The following TCF4 variants were observed in gnomAD, a reference collection of about 807,000 sequenced individuals.
The protein encoded by TCF4 is SL3-3 enhancer factor 2.
TCF4 carries 3 observed loss-of-function variants against 82.1 expected under a neutral mutation model. The observed-to-expected ratio is 0.04, with a 90% CI of 0.02 to 0.09. TCF4 has a LOEUF of 0.09. Ranked by LOEUF, TCF4 falls within the 10% of genes least tolerant of loss-of-function variation. TCF4 has a pLI of 1.00. For missense variants in TCF4, 518 were observed against 852.7 expected (o/e 0.61, Z 4.89); for synonymous variants, 276 against 309.6 (o/e 0.89, Z 1.14).
At chr18:55,275,472 T>G in intron 10 of TCF4, 147 bp downstream of exon 10, 1 of 1,031,532 alleles carries the variant, frequency 9.7e-7, no homozygotes, top group Non-Finnish European at 1.5e-6. Context: ...ATGTCTTTGA[T>G]CACAGAAACA....
intron 3 of TCF4, among the ~76,000 whole-genome samples, chr18:55,508,615 T>C (rs951471384): frequency 6.6e-6 from 1 of 152,192 alleles, no homozygotes; most frequent in African/African-American, 2.4e-5. Context: ...ATTAAATAAC[T>C]GTGTTGCCCC....
At chr18:55,600,247 G>T (rs538374410) in intron 2 of TCF4, among the ~76,000 whole-genome samples, 30 of 152,226 alleles carry the variant, frequency 2.0e-4, no homozygotes, top group Admixed American at 3.9e-4. Flanking sequence ...TACATGCCTA[G>T]AATTGCTAGG....
At chr18:55,321,667 T>G (rs113302718) in intron 8 of TCF4, 1 of 1,536,046 alleles carries the variant, frequency 6.5e-7, no homozygotes, top group Non-Finnish European at 8.7e-7. Context: ...CGCATTCGCT[T>G]ACCGCTTTCC....
chr18:55,278,735 A>C (rs1252412001), intron 9 of TCF4, among the ~76,000 whole-genome samples: 1 of 151,926 alleles, frequency 6.6e-6, no homozygotes, highest in Non-Finnish European at 1.5e-5. Context: ...CGCCTGGCTA[A>C]TTTTTTGTAT....
At chr18:55,327,147 A>C (rs2076702309) in intron 8 of TCF4, among the ~76,000 whole-genome samples, 1 of 152,160 alleles carries the variant, frequency 6.6e-6, no homozygotes, top group Non-Finnish European at 1.5e-5. Context: ...TTTCTTATTA[A>C]GCAATTAAGA....
In TCF4 at chr18:55,227,301, T is replaced by A. The variant is rs1317456521; in HGVS notation, c.*734A>T. The A allele has an allele frequency of 1.3e-5, 2 of 150,862 alleles. No individual in the cohort carries two copies. Among genetic ancestry groups the A allele is most frequent in the Non-Finnish European group, 3.0e-5 (2 of 67,726 alleles). 9.3% of individuals were successfully genotyped at this position (150,862 alleles called of 1,614,324 possible). A position where few individuals can be genotyped will look rare whatever the true frequency, so the allele number is the denominator to read the frequency against. On this transcript the variant is annotated 3_prime_UTR_variant, in exon 20 of 20. Transcript: ENST00000354452. ...AAAATCTTTCTTTTAAAAAAGTTAA[T>A]CAGTACTATTTTTTTACAGGAGAAA...
chr18:55,241,243 G>C (rs548812136), intron 15 of TCF4, among the ~76,000 whole-genome samples: 1 of 152,248 alleles, frequency 6.6e-6, no homozygotes, highest in South Asian at 2.1e-4. Context: ...TATTAAAACT[G>C]TTTCATTTCT....
intron 6 of TCF4, among the ~76,000 whole-genome samples, chr18:55,387,542 C>T (rs1463643065): frequency 6.6e-6 from 1 of 152,236 alleles, no homozygotes; most frequent in Non-Finnish European, 1.5e-5. Flanking sequence ...CTCCTGGTCA[C>T]TGAGGGTAAA....
intron 5 of TCF4, among the ~76,000 whole-genome samples, chr18:55,454,157 C>T (rs2144513890): frequency 6.6e-6 from 1 of 152,228 alleles, no homozygotes; most frequent in South Asian, 2.1e-4. Flanking sequence ...GGCACTATGC[C>T]CGACCCAAAA....
chr18:55,449,267 G>A (rs2095580323), intron 5 of TCF4, among the ~76,000 whole-genome samples: 3 of 152,176 alleles, frequency 2.0e-5, no homozygotes, highest in Non-Finnish European at 4.4e-5. Context: ...GAGGCGGTCT[G>A]CCAAGATATT....
intron 3 of TCF4, among the ~76,000 whole-genome samples, chr18:55,521,271 C>T (rs182442225): frequency 1.1e-4 from 17 of 152,200 alleles, no homozygotes; most frequent in Admixed American, 9.2e-4. Context: ...TTTCTTCAAA[C>T]AGTTATAGTA....
intron 8 of TCF4, among the ~76,000 whole-genome samples, chr18:55,318,900 A>C (rs1042773329): frequency 6.6e-6 from 1 of 152,210 alleles, no homozygotes; most frequent in Admixed American, 6.5e-5. Context: ...TTCTTCCCAC[A>C]AGCTAAAATC....
intron 6 of TCF4, among the ~76,000 whole-genome samples, chr18:55,365,910 A>C (rs1182791282): frequency 2.0e-5 from 3 of 152,056 alleles, no homozygotes; most frequent in East Asian, 1.9e-4. Context: ...GCAAAACAAA[A>C]AACAACAACA....
intron 8 of TCF4, among the ~76,000 whole-genome samples, chr18:55,289,196 C>T (rs969625085): frequency 6.6e-6 from 1 of 152,162 alleles, no homozygotes; most frequent in Non-Finnish European, 1.5e-5. Flanking sequence ...AGGTGAAACC[C>T]TGACTTCTTC....
chr18:55,573,769 C>T (rs1325869347), intron 3 of TCF4, among the ~76,000 whole-genome samples: 1 of 152,194 alleles, frequency 6.6e-6, no homozygotes, highest in Admixed American at 6.5e-5. Context: ...AAATGTAGTA[C>T]TTGACCTTCT....
chr18:55,363,109 C>T (rs1334717626), intron 6 of TCF4, among the ~76,000 whole-genome samples: 1 of 151,964 alleles, frequency 6.6e-6, no homozygotes, highest in Admixed American at 6.6e-5. Flanking sequence ...TAAAGCTTAT[C>T]TGGAATATTA....
At chr18:55,549,935 G>A (rs929658749) in intron 3 of TCF4, among the ~76,000 whole-genome samples, 1 of 152,158 alleles carries the variant, frequency 6.6e-6, no homozygotes, top group African/African-American at 2.4e-5. Context: ...ACTATATACA[G>A]ATAATATCAA....
intron 1 of TCF4, chr18:55,587,337 CAAAAAAAAAAAAAAAAAAAAAAAAA>C (rs1159348981): frequency 9.8e-4 from 7 of 7,158 alleles, no homozygotes; most frequent in South Asian, 4.3e-3. Flanking sequence ...GCAGCAATAG[CAAAAAAAAAAAAAAAAAAAAAAAAA>C]AAAAAAAAAA....
chr18:55,321,100 A>C (rs1328861597), intron 8 of TCF4, among the ~76,000 whole-genome samples: 1 of 152,102 alleles, frequency 6.6e-6, no homozygotes, highest in Non-Finnish European at 1.5e-5. Flanking sequence ...TATATATCTA[A>C]GCTTATATAA....
Sources: gnomAD v4.1 joint callset for allele counts (sites outside exome capture counted in the v4.1 genomes callset) on GRCh38, gnomAD v4.1.1 for gene constraint, MANE v1.5 for transcripts, NCBI Gene and HGNC (gene_info 2026-07-23, HGNC 2026-07-21) for gene names.